Variants in SRD5A2 observed in about 807,000 individuals in gnomAD.
SRD5A2 encodes 3-oxo-5-alpha-steroid 4-dehydrogenase 2.
A neutral mutation model predicts 27.4 loss-of-function variants in SRD5A2; 30 were observed. The observed-to-expected ratio is 1.10, with a 90% CI of 0.82 to 1.49. SRD5A2 has a LOEUF of 1.49. Ranked by LOEUF, SRD5A2 falls within the 40% of genes most tolerant of loss-of-function variation. The pLI, the probability that SRD5A2 is intolerant of heterozygous loss-of-function variation, is 0.00. For synonymous variants in SRD5A2, 141 were observed against 133.6 expected (o/e 1.06, Z -0.38); for missense variants, 348 against 323.4 (o/e 1.08, Z -0.58).
At chr2:31,603,736 G>T in the SRD5A2 span, among the ~76,000 whole-genome samples, 3 of 151,708 alleles carry the variant, frequency 2.0e-5, no homozygotes, top group Non-Finnish European at 4.4e-5. Context: ...AGACCATGTC[G>T]CATGCAAGGA....
chr2:31,661,473 A>T, the SRD5A2 span, among the ~76,000 whole-genome samples: 7 of 152,112 alleles, frequency 4.6e-5, no homozygotes, highest in Non-Finnish European at 1.0e-4. Context: ...ACAAGGAGAC[A>T]CTCTATCTTC....
the SRD5A2 span, among the ~76,000 whole-genome samples, chr2:31,594,485 C>G: frequency 6.6e-6 from 1 of 152,070 alleles, no homozygotes; most frequent in Non-Finnish European, 1.5e-5. Flanking sequence ...AAAAAGATTA[C>G]TCCAACAGGA....
chr2:31,650,855 G>C, the SRD5A2 span, among the ~76,000 whole-genome samples: 3 of 152,130 alleles, frequency 2.0e-5, no homozygotes, highest in African/African-American at 7.2e-5. Flanking sequence ...ATCCAGAAGA[G>C]GGCACAACTA....
chr2:31,593,372 C>A, the SRD5A2 span, among the ~76,000 whole-genome samples: 1 of 151,826 alleles, frequency 6.6e-6, no homozygotes, highest in Non-Finnish European at 1.5e-5. Context: ...ATAAAAGACA[C>A]ACTTAAAGAC....
At chr2:31,600,312 C>A in the SRD5A2 span, among the ~76,000 whole-genome samples, 12 of 151,936 alleles carry the variant, frequency 7.9e-5, no homozygotes, top group African/African-American at 2.4e-4. Context: ...CACGTCTTTA[C>A]GATAGAATGA....
At chr2:31,567,424 G>A (rs1347050009) in intron 1 of SRD5A2, among the ~76,000 whole-genome samples, 2 of 143,032 alleles carry the variant, frequency 1.4e-5, no homozygotes, top group African/African-American at 5.3e-5. Context: ...TATTTAAAGG[G>A]TGCAATTTGG....
At chr2:31,625,720 A>G in the SRD5A2 span, among the ~76,000 whole-genome samples, 4 of 152,070 alleles carry the variant, frequency 2.6e-5, no homozygotes, top group Non-Finnish European at 4.4e-5. Context: ...ATTGATCTAT[A>G]TCTCTGTTTT....
At chr2:31,601,219 T>C in the SRD5A2 span, among the ~76,000 whole-genome samples, 1 of 150,682 alleles carries the variant, frequency 6.6e-6, no homozygotes, top group African/African-American at 2.4e-5. Flanking sequence ...AGGAACACAA[T>C]CAAAAAATGG....
At chr2:31,530,299 T>C (rs796536347) in intron 3 of SRD5A2, among the ~76,000 whole-genome samples, 65 of 152,356 alleles carry the variant, frequency 4.3e-4, no homozygotes, top group African/African-American at 1.5e-3. Flanking sequence ...TCAAGTGCTT[T>C]CTCTGCTCTT....
the SRD5A2 span, among the ~76,000 whole-genome samples, chr2:31,587,026 A>G: frequency 3.3e-5 from 5 of 152,228 alleles, no homozygotes; most frequent in African/African-American, 4.8e-5. Context: ...AATTTAACAA[A>G]GAGATTAAAA....
the SRD5A2 span, among the ~76,000 whole-genome samples, chr2:31,655,818 C>G: frequency 1.3e-5 from 2 of 152,130 alleles, no homozygotes; most frequent in African/African-American, 2.4e-5. Flanking sequence ...TTCCCCCACT[C>G]CACTGGAAAG....
At chr2:31,562,069 A>G (rs1490832772) in intron 1 of SRD5A2, among the ~76,000 whole-genome samples, 1 of 152,166 alleles carries the variant, frequency 6.6e-6, no homozygotes, top group Non-Finnish European at 1.5e-5. Flanking sequence ...AGCTAAGGAC[A>G]TAACAGGCAC....
At chr2:31,582,406 G>C (rs1456926437), upstream of SRD5A2, among the ~76,000 whole-genome samples, 1 of 152,102 alleles carries the variant, frequency 6.6e-6, no homozygotes, top group Non-Finnish European at 1.5e-5. Context: ...ACCAAGAGTC[G>C]TTTATCATAT....
chr2:31,635,241 C>A, the SRD5A2 span, among the ~76,000 whole-genome samples: 1 of 152,106 alleles, frequency 6.6e-6, no homozygotes, highest in Non-Finnish European at 1.5e-5. Flanking sequence ...GCCATTTTAA[C>A]TGGGATGACT....
chr2:31,613,610 TC>T, the SRD5A2 span, among the ~76,000 whole-genome samples: 1 of 152,178 alleles, frequency 6.6e-6, no homozygotes, highest in African/African-American at 2.4e-5. Flanking sequence ...GTATGGAAGT[TC>T]TTCAAAAAAC....
the SRD5A2 span, among the ~76,000 whole-genome samples, chr2:31,625,714 A>G: frequency 1.3e-5 from 2 of 151,880 alleles, no homozygotes; most frequent in East Asian, 1.9e-4. Context: ...TGTTGCATTG[A>G]TCTATATCTC....
upstream of SRD5A2, among the ~76,000 whole-genome samples, chr2:31,584,815 A>G (rs984471290): frequency 5.4e-4 from 83 of 152,338 alleles, 2 homozygotes; most frequent in Admixed American, 5.4e-3. Flanking sequence ...TATCTGTGCA[A>G]GCAAAGCTCC....
chr2:31,643,644 T>C, the SRD5A2 span, among the ~76,000 whole-genome samples: 1 of 150,358 alleles, frequency 6.7e-6, no homozygotes, highest in African/African-American at 2.4e-5. Context: ...GCAGAAAAAA[T>C]ATATATAATG....
intron 1 of SRD5A2, among the ~76,000 whole-genome samples, chr2:31,578,253 CATA>C (rs1385695165): frequency 6.6e-6 from 1 of 151,822 alleles, no homozygotes; most frequent in African/African-American, 2.4e-5. Context: ...AAAATTTTTA[CATA>C]ATAATTTTAA....
Sources: gnomAD v4.1 joint callset for allele counts (sites outside exome capture counted in the v4.1 genomes callset) on GRCh38, gnomAD v4.1.1 for gene constraint, MANE v1.5 for transcripts, NCBI Gene and HGNC (gene_info 2026-07-23, HGNC 2026-07-21) for gene names.